Variants in FAT3 observed in about 807,000 individuals in gnomAD.
FAT3 encodes protocadherin Fat 3.
FAT3 carries 95 observed loss-of-function variants against 310.2 expected under a neutral mutation model. That is an observed-to-expected ratio of 0.31 (90% CI 0.26 to 0.36). The LOEUF is 0.36. Among genes scored for constraint, FAT3 ranks in the 10% least tolerant of loss-of-function variants. The pLI, the probability that FAT3 is intolerant of heterozygous loss-of-function variation, is 1.00. For missense variants in FAT3, 5,408 were observed against 5,715.6 expected (o/e 0.95, Z 1.74); for synonymous variants, 2,314 against 2,192.9 (o/e 1.06, Z -1.54).
At chr11:92,329,336 G>A (rs1163038402) in intron 1 of FAT3, among the ~76,000 whole-genome samples, 1 of 151,818 alleles carries the variant, frequency 6.6e-6, no homozygotes, top group Non-Finnish European at 1.5e-5. Context: ...AGGAGAGCTG[G>A]CTGTTAAAAA....
chr11:92,300,309 A>C (rs1281951566), intron 1 of FAT3, among the ~76,000 whole-genome samples: 3 of 152,106 alleles, frequency 2.0e-5, no homozygotes, highest in Non-Finnish European at 4.4e-5. Context: ...GGTCACTTTC[A>C]TGGGCTGTTT....
At chr11:92,465,689 A>C (rs1951741595) in intron 2 of FAT3, among the ~76,000 whole-genome samples, 1 of 152,142 alleles carries the variant, frequency 6.6e-6, no homozygotes, top group African/African-American at 2.4e-5. Context: ...CAGGGTGGGG[A>C]ACATCACACA....
At chr11:92,570,240 A>G (rs893836137) in intron 3 of FAT3, among the ~76,000 whole-genome samples, 1 of 152,200 alleles carries the variant, frequency 6.6e-6, no homozygotes, top group Non-Finnish European at 1.5e-5. Flanking sequence ...TGGTAATAAG[A>G]GATTCAAACT....
intron 3 of FAT3, among the ~76,000 whole-genome samples, chr11:92,639,393 T>C (rs1038081634): frequency 2.0e-5 from 3 of 152,200 alleles, no homozygotes; most frequent in Non-Finnish European, 4.4e-5. Flanking sequence ...CCTCTCTCCA[T>C]AGTTCAGGGA....
intron 3 of FAT3, among the ~76,000 whole-genome samples, chr11:92,537,510 T>G (rs1211148624): frequency 6.6e-6 from 1 of 152,080 alleles, no homozygotes; most frequent in African/African-American, 2.4e-5. Context: ...CTCAGCCAGT[T>G]AGATTGGGGT....
chr11:92,619,703 A>G (rs1940992848), intron 3 of FAT3, among the ~76,000 whole-genome samples: 2 of 151,894 alleles, frequency 1.3e-5, no homozygotes, highest in Admixed American at 1.3e-4. Context: ...TAAAGTTAAT[A>G]GTCGTTTCTC....
chr11:92,813,441 T>G (rs1217960108), intron 13 of FAT3, among the ~76,000 whole-genome samples: 1 of 152,130 alleles, frequency 6.6e-6, no homozygotes, highest in Non-Finnish European at 1.5e-5. Context: ...CAGAGTTTAT[T>G]CAAATTTCAG....
chr11:92,552,240 T>C (rs1954845703), intron 3 of FAT3, among the ~76,000 whole-genome samples: 1 of 152,120 alleles, frequency 6.6e-6, no homozygotes, highest in African/African-American at 2.4e-5. Flanking sequence ...CAGTAGAAAA[T>C]CATGGACAAG....
At chr11:92,713,908 G>A (rs1944598321) in intron 4 of FAT3, among the ~76,000 whole-genome samples, 1 of 152,152 alleles carries the variant, frequency 6.6e-6, no homozygotes, top group Admixed American at 6.5e-5. Context: ...CATTCTTATG[G>A]TAATTTTGAA....
chr11:92,286,435 C>T (rs566144741), intron 1 of FAT3, among the ~76,000 whole-genome samples: 69 of 152,158 alleles, frequency 4.5e-4, no homozygotes, highest in Non-Finnish European at 8.7e-4. Context: ...GAGGGAATGA[C>T]TCCAACTTAT....
At chr11:92,835,677 A>G (rs1251361717) in intron 15 of FAT3, among the ~76,000 whole-genome samples, 5 of 152,168 alleles carry the variant, frequency 3.3e-5, no homozygotes, top group African/African-American at 1.2e-4. Context: ...TCAATTTACA[A>G]TTTAAAATTA....
intron 2 of FAT3, among the ~76,000 whole-genome samples, chr11:92,375,735 G>A (rs890263811): frequency 3.3e-5 from 5 of 152,268 alleles, no homozygotes; most frequent in African/African-American, 7.2e-5. Flanking sequence ...ATTAGATGCC[G>A]ATGCCAGAGT....
In FAT3 at chr11:92,798,574, G is replaced by C; in HGVS notation, c.5561G>C (p.Arg1854Thr). Residue 1854 changes from arginine (R) to threonine (T), a missense_variant, in exon 10 of 28, where the codon AGA (arginine) becomes ACA (threonine). By Grantham distance (71) the Arg-to-Thr change is moderately conservative. Transcript: ENST00000525166. The stretch of plus-strand genomic sequence containing the variant: ...CATTTCCATTTTCATGTGCATGTGA[G>C]AGACAGTGGTAGCCCCCAACTGACT... ...IAHFHFHVHVRDSGSPQLTAE... is the reference protein window; with the variant it reads ...IAHFHFHVHVTDSGSPQLTAE... The C allele has an allele frequency of 6.2e-7, 1 of 1,613,774 alleles. No homozygotes were observed. The highest frequency in any genetic ancestry group is 8.5e-7 in the Non-Finnish European group (1 of 1,179,774).
intron 2 of FAT3, among the ~76,000 whole-genome samples, chr11:92,368,351 A>G (rs1366064426): frequency 6.6e-6 from 1 of 152,218 alleles, no homozygotes; most frequent in Non-Finnish European, 1.5e-5. Flanking sequence ...AAAAACTTCT[A>G]TCAAGTTTCT....
intron 2 of FAT3, among the ~76,000 whole-genome samples, chr11:92,401,502 G>C (rs1198760640): frequency 1.3e-5 from 2 of 152,166 alleles, no homozygotes. Context: ...GGAGCTTCAA[G>C]GTAATAACCA....
At chr11:92,324,311 CCTTA>C (rs1947709729) in intron 1 of FAT3, among the ~76,000 whole-genome samples, 1 of 152,160 alleles carries the variant, frequency 6.6e-6, no homozygotes, top group Non-Finnish European at 1.5e-5. Flanking sequence ...AACATGCCTT[CCTTA>C]CTAAGCTTAA....
chr11:92,835,675 C>T (rs1459603393), intron 15 of FAT3, among the ~76,000 whole-genome samples: 1 of 152,152 alleles, frequency 6.6e-6, no homozygotes, highest in Non-Finnish European at 1.5e-5. Context: ...TGTCAATTTA[C>T]AATTTAAAAT....
chr11:92,568,311 A>G (rs1221406810), intron 3 of FAT3, among the ~76,000 whole-genome samples: 1 of 152,170 alleles, frequency 6.6e-6, no homozygotes, highest in Non-Finnish European at 1.5e-5. Flanking sequence ...TAACATGGAT[A>G]TTGTCCCTTT....
rs1233693624 is a variant in FAT3, at chr11:92,831,810, A to G, written c.9670A>G (p.Ile3224Val). The G allele has an allele frequency of 5.6e-6, 9 of 1,613,488 alleles. No individual in the cohort carries two copies. Among genetic ancestry groups the G allele is most frequent in the African/African-American group, 1.3e-5 (1 of 74,878 alleles). Residue 3224 changes from isoleucine (I) to valine (V), a missense_variant, in exon 14 of 28, where the codon ATC (isoleucine) becomes GTC (valine). Ile to Val is a conservative substitution (Grantham distance 29). Coordinates refer to ENST00000525166, the MANE Select transcript of FAT3 (RefSeq NM_001367949.2). ...QSLSSLTTVT[I>V]TVLDINDNPP... is the part of the protein sequence containing the mutation. ...CCTGTCCTCTCTCACTACTGTCACC[A>G]TCACCGTTCTGGACATTAATGACAA...
Sources: gnomAD v4.1 joint callset for allele counts (sites outside exome capture counted in the v4.1 genomes callset) on GRCh38, gnomAD v4.1.1 for gene constraint, MANE v1.5 for transcripts, NCBI Gene and HGNC (gene_info 2026-07-23, HGNC 2026-07-21) for gene names.